Variants in ALCAM observed in about 807,000 individuals in gnomAD.
ALCAM encodes the protein activated leukocyte cell adhesion molecule.
ALCAM carries 30 observed loss-of-function variants against 70.9 expected under a neutral mutation model. That is an observed-to-expected ratio of 0.42 (90% CI 0.32 to 0.57). The LOEUF is 0.57. Among genes scored for constraint, ALCAM ranks in the 20% least tolerant of loss-of-function variants. ALCAM has a pLI of 0.11. For synonymous variants in ALCAM, 249 were observed against 242.5 expected, an observed-to-expected ratio of 1.03 and a Z score of -0.25; for missense variants, 591 against 695.1, an observed-to-expected ratio of 0.85 and a Z score of 1.68.
intron 1 of ALCAM, among the ~76,000 whole-genome samples, chr3:105,436,529 G>A (rs13079993): frequency 0.26 from 39,749 of 151,624 alleles, 5,679 homozygotes; most frequent in Admixed American, 0.45. Context: ...GGGTTTCACC[G>A]TATTAGCCAG....
chr3:105,541,862 T>G (rs537409828), intron 8 of ALCAM, 97 bp downstream of exon 8: 1 of 1,437,386 alleles, frequency 7.0e-7, no homozygotes, highest in Admixed American at 1.9e-5. Context: ...ATATCTTTCT[T>G]AAATAACTTG....
intron 1 of ALCAM, among the ~76,000 whole-genome samples, chr3:105,460,994 TATG>T (rs1457058912): frequency 6.7e-6 from 1 of 149,338 alleles, no homozygotes; most frequent in Non-Finnish European, 1.5e-5. Flanking sequence ...TTCAAGTAAA[TATG>T]GTGTGTGTGT....
chr3:105,414,257 A>G (rs1334158390), intron 1 of ALCAM, among the ~76,000 whole-genome samples: 14 of 151,572 alleles, frequency 9.2e-5, no homozygotes, highest in Admixed American at 5.9e-4. Flanking sequence ...AAAAAAAAAA[A>G]ATGCAGAAAT....
chr3:105,545,071 CTA>C, intron 8 of ALCAM, 150 bp from the exon 9 acceptor site: 1 of 624,096 alleles, frequency 1.6e-6, no homozygotes, highest in Non-Finnish European at 3.0e-6. Flanking sequence ...GCTAATCATG[CTA>C]TAGTCCAATT....
Position 105,424,687 on chromosome 3 carries a change from G to A in ALCAM, c.73+57206G>A, listed in dbSNP as rs569924307. Among the ~76,000 whole-genome samples the A allele has an allele frequency of 2.6e-5, 4 of 151,774 alleles. No individual in the cohort carries two copies. In the South Asian group the frequency reaches 8.3e-4, roughly 31 times the overall value. On this transcript the variant is annotated intron_variant, in intron 1 of 15. Transcript: ENST00000306107. ...AGGAAAAGATAAATCTGTTTGGAAGGGGACAAGATTAGCAAGACAAGTGAG... is the reference window on the plus strand; with the variant it reads ...AGGAAAAGATAAATCTGTTTGGAAGAGGACAAGATTAGCAAGACAAGTGAG...
intron 1 of ALCAM, among the ~76,000 whole-genome samples, chr3:105,495,675 CACTCAG>C (rs1332212455): frequency 6.6e-6 from 1 of 152,126 alleles, no homozygotes; most frequent in Non-Finnish European, 1.5e-5. Context: ...ACACAGCACG[CACTCAG>C]AATCCGTTTA....
At chr3:105,570,899 A>G (rs1940847002) in intron 14 of ALCAM, among the ~76,000 whole-genome samples, 1 of 152,126 alleles carries the variant, frequency 6.6e-6, no homozygotes, top group Non-Finnish European at 1.5e-5. Flanking sequence ...AGGTCATATA[A>G]TGGTCTGCAA....
Position 105,520,132 on chromosome 3 carries a change from G to A in ALCAM, c.139G>A (p.Val47Ile), listed in dbSNP as rs780213027. 3.2e-5 allele frequency: 52 copies of A among 1,612,236 alleles called. No homozygotes were observed. The highest frequency in any genetic ancestry group is 6.6e-5 in the South Asian group (6 of 91,024). ...DTIIIPCRLDVPQNLMFGKWK... is the reference protein window; with the variant it reads ...DTIIIPCRLDIPQNLMFGKWK... Reference sequence around the variant, plus strand: ...CATTATCATACCTTGCCGACTTGACGTACCTCAGAATCTCATGTTTGGCAA... The same window carrying A: ...CATTATCATACCTTGCCGACTTGACATACCTCAGAATCTCATGTTTGGCAA... The change falls in exon 2 of 16, where the codon GTA becomes ATA. Residue 47 changes from valine to isoleucine, a missense_variant. Around this residue, in one of 2 missense-constraint regions of ALCAM, gnomAD observed 427 missense variants for 450.4 expected, o/e 0.95. Coordinates refer to ENST00000306107, the MANE Select transcript of ALCAM (RefSeq NM_001627.4).
In ALCAM at chr3:105,554,180, C is replaced by T. The variant is rs145862889; in HGVS notation, c.1664+1595C>T. Among the ~76,000 whole-genome samples, 1,492 of 151,872 alleles carry T rather than the reference C, an allele frequency of 9.8e-3. 20 individuals are homozygous for T. The highest frequency in any genetic ancestry group is 0.03 in the African/African-American group (1,236 of 41,454). The stretch of plus-strand genomic sequence containing the variant: ...GCTGAGAAGTACCAAAATCTGCAGG[C>T]AGGAAGCTGGAGACACAGTAGAGTT... On this transcript the variant is annotated intron_variant, in intron 14 of 15. Transcript: ENST00000306107.
chr3:105,550,276 T>C lies in ALCAM; in HGVS notation c.1507+17T>C, dbSNP rs746495799. The C allele has an allele frequency of 4.4e-5, 69 of 1,578,714 alleles. No individual in the cohort carries two copies. The highest frequency in any genetic ancestry group is 5.7e-5 in the Admixed American group (3 of 52,320). On this transcript the variant is annotated intron_variant, in intron 12 of 15. Transcript: ENST00000306107. Reference sequence around the variant, plus strand: ...TCTCTGCTAGTGAGTATTTTATTTCTGGCATTACAAAAGTAAGAAAATTTG... The same window carrying C: ...TCTCTGCTAGTGAGTATTTTATTTCCGGCATTACAAAAGTAAGAAAATTTG...
intron 1 of ALCAM, among the ~76,000 whole-genome samples, chr3:105,412,092 G>A (rs1340026521): frequency 6.6e-6 from 1 of 151,972 alleles, no homozygotes; most frequent in Non-Finnish European, 1.5e-5. Context: ...ATAGCATCAG[G>A]ATAAAATGCT....
At chr3:105,378,914 G>A (rs1347459131) in intron 1 of ALCAM, among the ~76,000 whole-genome samples, 1 of 151,892 alleles carries the variant, frequency 6.6e-6, no homozygotes, top group Non-Finnish European at 1.5e-5. Flanking sequence ...TTTGATGGTA[G>A]GCAGTATGGC....
At chr3:105,521,023 C>T (rs867270739) in intron 2 of ALCAM, among the ~76,000 whole-genome samples, 1 of 152,088 alleles carries the variant, frequency 6.6e-6, no homozygotes, top group Non-Finnish European at 1.5e-5. Context: ...TTATTGCGGC[C>T]GGGCGCGGTG....
intron 1 of ALCAM, among the ~76,000 whole-genome samples, chr3:105,448,786 A>G (rs1937355144): frequency 6.6e-6 from 1 of 152,134 alleles, no homozygotes; most frequent in South Asian, 2.1e-4. Flanking sequence ...TCGCCTATGG[A>G]CAAGAGGGTG....
intron 1 of ALCAM, among the ~76,000 whole-genome samples, chr3:105,466,876 A>G (rs1387776572): frequency 2.6e-5 from 4 of 151,318 alleles, no homozygotes; most frequent in African/African-American, 9.7e-5. Flanking sequence ...TTTTGATTTT[A>G]TCAGTCTCAC....
intron 1 of ALCAM, among the ~76,000 whole-genome samples, chr3:105,403,550 G>T (rs1464720410): frequency 1.3e-5 from 2 of 152,072 alleles, no homozygotes; most frequent in Non-Finnish European, 2.9e-5. Flanking sequence ...ACCACATCAA[G>T]GGAGCACCCT....
intron 1 of ALCAM, among the ~76,000 whole-genome samples, chr3:105,416,375 T>G (rs1936508381): frequency 6.6e-6 from 1 of 152,030 alleles, no homozygotes. Context: ...ATTGGTCAAT[T>G]TACTAAACTT....
At chr3:105,539,734 G>C (rs1032894712) in intron 6 of ALCAM, among the ~76,000 whole-genome samples, 6 of 152,020 alleles carry the variant, frequency 3.9e-5, no homozygotes, top group African/African-American at 1.2e-4. Context: ...CTCAGTTAAA[G>C]ACATTTTGCT....
chr3:105,394,104 A>G (rs1047235598), intron 1 of ALCAM, among the ~76,000 whole-genome samples: 2 of 151,970 alleles, frequency 1.3e-5, no homozygotes, highest in Non-Finnish European at 2.9e-5. Flanking sequence ...GCCAAGTACT[A>G]TAGTACTTTG....
Sources: gnomAD v4.1 joint callset for allele counts (sites outside exome capture counted in the v4.1 genomes callset) on GRCh38, gnomAD v4.1.1 for gene constraint, gnomAD v4.1.1 regional missense constraint, MANE v1.5 for transcripts, NCBI Gene and HGNC (gene_info 2026-07-23, HGNC 2026-07-21) for gene names.